TANC2: variants seen among roughly 807,000 people sequenced by gnomAD.
TANC2 encodes protein TANC2.
In TANC2, 26 loss-of-function variants were observed where a neutral mutation model predicts 210.5. The ratio of observed to expected loss-of-function variants is 0.12; its 90% CI spans 0.09 to 0.17. The LOEUF is 0.17. Among genes scored for constraint, TANC2 ranks in the 10% least tolerant of loss-of-function variants. The pLI is 1.00. For missense variants in TANC2, 2,129 were observed against 2,608.9 expected (o/e 0.82, Z 4.01); for synonymous variants, 931 against 967.1 (o/e 0.96, Z 0.69).
intron 7 of TANC2, among the ~76,000 whole-genome samples, chr17:63,236,481 T>C (rs954317972): frequency 3.3e-5 from 5 of 152,162 alleles, no homozygotes; most frequent in African/African-American, 1.2e-4. Context: ...ATCTCTACTT[T>C]AGATTTTCTT....
chr17:62,985,832 A>T (rs2143495536), intron 1 of TANC2, among the ~76,000 whole-genome samples: 1 of 152,206 alleles, frequency 6.6e-6, no homozygotes, highest in East Asian at 1.9e-4. Context: ...ACTTAAGATT[A>T]TTATTTTTGA....
chr17:63,313,728 CT>C (rs1486852110), intron 9 of TANC2, among the ~76,000 whole-genome samples: 1 of 152,060 alleles, frequency 6.6e-6, no homozygotes, highest in African/African-American at 2.4e-5. Context: ...CTTGCTTCCC[CT>C]AATAATAATA....
intron 3 of TANC2, among the ~76,000 whole-genome samples, chr17:63,090,266 G>A (rs2037135324): frequency 6.7e-6 from 1 of 148,466 alleles, no homozygotes; most frequent in South Asian, 2.1e-4. Flanking sequence ...ACAATGTGCA[G>A]GTTTGTTACA....
chr17:62,972,302 G>C (rs1183474382), intron 1 of TANC2, among the ~76,000 whole-genome samples: 1 of 152,078 alleles, frequency 6.6e-6, no homozygotes, highest in African/African-American at 2.4e-5. Context: ...AATAGTTAAA[G>C]GTAAGCATTA....
intron 8 of TANC2, among the ~76,000 whole-genome samples, chr17:63,259,135 C>T (rs746800330): frequency 6.6e-6 from 1 of 152,094 alleles, no homozygotes; most frequent in Admixed American, 6.5e-5. Context: ...AGCTAGGGCC[C>T]GAAATAGGGG....
intron 9 of TANC2, among the ~76,000 whole-genome samples, chr17:63,284,226 T>C (rs1453717877): frequency 6.6e-6 from 1 of 152,064 alleles, no homozygotes; most frequent in Non-Finnish European, 1.5e-5. Flanking sequence ...TTTTTCTTTT[T>C]TAGTTAAACA....
At chr17:63,107,811 G>A (rs2037884469) in intron 4 of TANC2, among the ~76,000 whole-genome samples, 2 of 151,620 alleles carry the variant, frequency 1.3e-5, no homozygotes, top group African/African-American at 4.9e-5. Context: ...CTAAGGGAAA[G>A]GGGTCACCAA....
chr17:63,067,474 C>T (rs2036243740), intron 2 of TANC2, among the ~76,000 whole-genome samples: 1 of 151,754 alleles, frequency 6.6e-6, no homozygotes, highest in East Asian at 1.9e-4. Context: ...TAAATCAACA[C>T]CCTATTTTTT....
chr17:63,154,140 G>C (rs2039755015), intron 5 of TANC2: 1 of 152,152 alleles, frequency 6.6e-6, no homozygotes, highest in East Asian at 1.9e-4. Context: ...TACAACTGTG[G>C]AGATAATCGA....
intron 4 of TANC2, among the ~76,000 whole-genome samples, chr17:63,129,310 G>A (rs138628552): frequency 1.1e-4 from 17 of 152,222 alleles, no homozygotes; most frequent in African/African-American, 4.1e-4. Context: ...CCTAGACTTT[G>A]TAGTAAGACA....
intron 5 of TANC2, among the ~76,000 whole-genome samples, chr17:63,156,515 A>C (rs889089816): frequency 3.9e-5 from 6 of 152,170 alleles, no homozygotes; most frequent in Non-Finnish European, 8.8e-5. Flanking sequence ...GAAAAAGGAA[A>C]TAATAGAACT....
At chr17:63,222,977 C>A (rs146817440) in intron 7 of TANC2, among the ~76,000 whole-genome samples, 65 of 152,310 alleles carry the variant, frequency 4.3e-4, no homozygotes, top group South Asian at 2.9e-3. Flanking sequence ...CTGATACATG[C>A]TACTGCAACA....
At chr17:63,160,873 C>T (rs1206906795) in intron 5 of TANC2, among the ~76,000 whole-genome samples, 1 of 152,096 alleles carries the variant, frequency 6.6e-6, no homozygotes, top group Admixed American at 6.5e-5. Flanking sequence ...CTTCAGAAGC[C>T]TTTTGTATCA....
At chr17:62,975,588 T>A (rs72843145) in intron 1 of TANC2, among the ~76,000 whole-genome samples, 1 of 150,950 alleles carries the variant, frequency 6.6e-6, no homozygotes, top group Non-Finnish European at 1.5e-5. Context: ...AGACAGACTT[T>A]GTTTGAAAGC....
chr17:63,017,348 ATT>A lies in TANC2; in HGVS notation c.67+7727_67+7728del, dbSNP rs770271312. Reference sequence around the variant, plus strand: ...AGATATTTTCTAAATTAAATTTTTTATTTTTTACTAAAATGATACAAATGTAT... The same window carrying A: ...AGATATTTTCTAAATTAAATTTTTTATTTTACTAAAATGATACAAATGTAT... On this transcript the variant is annotated intron_variant, in intron 2 of 27. Transcript: ENST00000689528. Among the ~76,000 whole-genome samples, 115 of 152,246 alleles carry A rather than the reference ATT, an allele frequency of 7.6e-4. 1 individual carries two copies. Among genetic ancestry groups the A allele is most frequent in the Admixed American group, 2.7e-3 (42 of 15,302 alleles).
At chr17:63,098,791 A>C (rs1171753869) in intron 3 of TANC2, among the ~76,000 whole-genome samples, 1 of 152,014 alleles carries the variant, frequency 6.6e-6, no homozygotes, top group Admixed American at 6.6e-5. Flanking sequence ...ATAGAGTTAC[A>C]ATGATCCTAC....
chr17:63,083,845 T>G (rs2036864129), intron 3 of TANC2, among the ~76,000 whole-genome samples: 1 of 152,210 alleles, frequency 6.6e-6, no homozygotes, highest in Non-Finnish European at 1.5e-5. Flanking sequence ...TAAATACCAC[T>G]TAGTCATGGT....
At chr17:63,190,852 T>A (rs981989416) in intron 5 of TANC2, among the ~76,000 whole-genome samples, 5 of 152,244 alleles carry the variant, frequency 3.3e-5, no homozygotes, top group Admixed American at 6.5e-5. Flanking sequence ...TAAATTTTTT[T>A]AAATCACTTT....
At chr17:63,101,738 G>T (rs1167543421) in intron 4 of TANC2, among the ~76,000 whole-genome samples, 2 of 152,154 alleles carry the variant, frequency 1.3e-5, no homozygotes, top group Admixed American at 6.5e-5. Flanking sequence ...TACTACAAAG[G>T]TAATGCAATA....
Sources: allele counts gnomAD v4.1 joint callset (sites outside exome capture counted in the v4.1 genomes callset), GRCh38; gene constraint gnomAD v4.1.1; transcripts MANE v1.5; gene names NCBI Gene and HGNC (gene_info 2026-07-23, HGNC 2026-07-21).